CACNB2: variants seen among roughly 807,000 people sequenced by gnomAD.
CACNB2 encodes the protein calcium voltage-gated channel auxiliary subunit beta 2.
CACNB2 carries 42 observed loss-of-function variants against 73.3 expected under a neutral mutation model. The observed-to-expected ratio is 0.57, with a 90% CI of 0.45 to 0.74. The LOEUF is 0.74. Ranked by LOEUF, CACNB2 falls within the 30% of genes least tolerant of loss-of-function variation. The probability of loss-of-function intolerance (pLI) is 0.00; values close to 1 mark genes in which losing one functional copy is unlikely to be tolerated. For missense variants in CACNB2, 940 were observed against 853.0 expected (o/e 1.10, Z -1.27); for synonymous variants, 348 against 310.3 (o/e 1.12, Z -1.28).
At chr10:18,146,468 G>A (rs2030994976) in intron 1 of CACNB2, among the ~76,000 whole-genome samples, 1 of 143,118 alleles carries the variant, frequency 7.0e-6, no homozygotes. Context: ...TGCCACCACG[G>A]CCAGCTAATT....
chr10:18,177,284 C>T (rs1404952913), intron 2 of CACNB2, among the ~76,000 whole-genome samples: 3 of 152,078 alleles, frequency 2.0e-5, no homozygotes, highest in Non-Finnish European at 4.4e-5. Context: ...GGATCTGCAA[C>T]CTATGCTTTA....
At chr10:18,201,123 AT>A (rs2034859527) in intron 2 of CACNB2, among the ~76,000 whole-genome samples, 1 of 152,154 alleles carries the variant, frequency 6.6e-6, no homozygotes, top group Admixed American at 6.5e-5. Flanking sequence ...TACTGGGAAC[AT>A]TTTATCTATG....
chr10:18,349,714 T>C (rs974072735), intron 2 of CACNB2, among the ~76,000 whole-genome samples: 1 of 132,172 alleles, frequency 7.6e-6, no homozygotes, highest in South Asian at 2.5e-4. Context: ...AAACTTTCAG[T>C]TGGAGATGAT....
At chr10:18,358,192 T>G (rs1378519475) in intron 2 of CACNB2, among the ~76,000 whole-genome samples, 1 of 152,218 alleles carries the variant, frequency 6.6e-6, no homozygotes, top group African/African-American at 2.4e-5. Context: ...GTTCAAGTGA[T>G]TCTCCTGCCT....
At chr10:18,198,125 T>C (rs1388389427) in intron 2 of CACNB2, among the ~76,000 whole-genome samples, 2 of 148,236 alleles carry the variant, frequency 1.3e-5, no homozygotes, top group East Asian at 3.9e-4. Context: ...GACATATATG[T>C]AATATATTAA....
chr10:18,317,703 G>T (rs923151620), intron 2 of CACNB2, among the ~76,000 whole-genome samples: 2 of 152,182 alleles, frequency 1.3e-5, no homozygotes, highest in Non-Finnish European at 2.9e-5. Flanking sequence ...ACATATGAGT[G>T]CAGGTGTCTT....
intron 5 of CACNB2, among the ~76,000 whole-genome samples, chr10:18,502,713 A>AAAAAAACC (rs2050271717): frequency 2.6e-5 from 3 of 117,208 alleles, no homozygotes; most frequent in South Asian, 2.9e-4. Context: ...AAAAAAAAAA[A>AAAAAAACC]AAAAAAAAAA....
At chr10:18,528,068 A>G (rs568621998) in intron 10 of CACNB2, among the ~76,000 whole-genome samples, 1 of 152,338 alleles carries the variant, frequency 6.6e-6, no homozygotes, top group South Asian at 2.1e-4. Flanking sequence ...TAACTACCTC[A>G]TAGAATCATT....
intron 2 of CACNB2, among the ~76,000 whole-genome samples, chr10:18,185,458 A>G (rs901845942): frequency 3.3e-5 from 5 of 152,164 alleles, no homozygotes; most frequent in Non-Finnish European, 7.3e-5. Context: ...GTTATAATGC[A>G]TTTTGGCAAA....
At chr10:18,516,208 ACT>A (rs1421743009) in intron 7 of CACNB2, among the ~76,000 whole-genome samples, 1 of 149,130 alleles carries the variant, frequency 6.7e-6, no homozygotes, top group Non-Finnish European at 1.5e-5. Flanking sequence ...GAGCTAGATA[ACT>A]CTGTCTCAAA....
intron 2 of CACNB2, among the ~76,000 whole-genome samples, chr10:18,175,758 C>A (rs2033551390): frequency 6.6e-6 from 1 of 152,154 alleles, no homozygotes. Context: ...CCACCATGCC[C>A]TGCTAATTTT....
At chr10:18,168,163 G>A (rs765248803) in intron 2 of CACNB2, among the ~76,000 whole-genome samples, 9 of 152,188 alleles carry the variant, frequency 5.9e-5, no homozygotes, top group African/African-American at 1.9e-4. Flanking sequence ...GCTCATGCCT[G>A]TAATCATAGC....
At chr10:18,218,156 T>A (rs1172807300) in intron 2 of CACNB2, among the ~76,000 whole-genome samples, 1 of 152,188 alleles carries the variant, frequency 6.6e-6, no homozygotes, top group Non-Finnish European at 1.5e-5. Context: ...ATTACCAATT[T>A]AATAGAAATA....
At chr10:18,301,817 T>A (rs1564418094) in intron 2 of CACNB2, among the ~76,000 whole-genome samples, 1 of 151,616 alleles carries the variant, frequency 6.6e-6, no homozygotes, top group Non-Finnish European at 1.5e-5. Context: ...CACAGCTAAT[T>A]TTTGTATTTT....
chr10:18,514,274 A>C lies in CACNB2; in HGVS notation c.709A>C (p.Asn237His). 6.2e-7 allele frequency: 1 copy of C among 1,614,132 alleles called. No individual in the cohort carries two copies. The highest frequency in any genetic ancestry group is 8.5e-7 in the Non-Finnish European group (1 of 1,180,022). The change falls in exon 7 of 14, where the codon AAT becomes CAT. Residue 237 changes from asparagine (N) to histidine (H), a missense_variant. Coordinates refer to ENST00000324631, the MANE Select transcript of CACNB2 (RefSeq NM_201596.3). ...IDATGLDAEE[N>H]DIPANHRSPK... is the part of the protein sequence containing the mutation. ...TGCTACTGGCTTAGATGCAGAAGAA[A>C]ATGATATTCCAGCAAACCACCGCTC...
chr10:18,142,414 G>C (rs1359119610), intron 1 of CACNB2, among the ~76,000 whole-genome samples: 1 of 152,166 alleles, frequency 6.6e-6, no homozygotes, highest in East Asian at 1.9e-4. Flanking sequence ...AACCAATAGA[G>C]TTTGCATTTG....
intron 2 of CACNB2, among the ~76,000 whole-genome samples, chr10:18,229,263 T>A (rs542096465): frequency 6.6e-6 from 1 of 152,318 alleles, no homozygotes; most frequent in East Asian, 1.9e-4. Context: ...ATCCATAATT[T>A]CAATTACATG....
intron 2 of CACNB2, among the ~76,000 whole-genome samples, chr10:18,235,411 T>G (rs916879839): frequency 6.6e-6 from 1 of 152,114 alleles, no homozygotes; most frequent in Non-Finnish European, 1.5e-5. Context: ...TGAGCTATGA[T>G]CACACCACTG....
intron 3 of CACNB2, among the ~76,000 whole-genome samples, chr10:18,445,084 T>C (rs16917357): frequency 0.052 from 7,892 of 152,306 alleles, 298 homozygotes; most frequent in East Asian, 0.1. Context: ...ACCACAAGTA[T>C]CTAATACAGT....
Sources: allele counts gnomAD v4.1 joint callset (sites outside exome capture counted in the v4.1 genomes callset), GRCh38; gene constraint gnomAD v4.1.1; transcripts MANE v1.5; gene names NCBI Gene and HGNC (gene_info 2026-07-23, HGNC 2026-07-21).